The following GPR158 variants were observed in gnomAD, a reference collection of about 807,000 sequenced individuals.
The protein encoded by GPR158 is G protein-coupled receptor 158, also known as metabotropic glycine receptor.
GPR158 carries 30 observed loss-of-function variants against 78.2 expected under a neutral mutation model. The ratio of observed to expected loss-of-function variants is 0.38; its 90% CI spans 0.29 to 0.52. The LOEUF (loss-of-function observed/expected upper bound fraction) is 0.52. Ranked by LOEUF, GPR158 falls within the 20% of genes least tolerant of loss-of-function variation. GPR158 has a pLI of 0.83. For synonymous variants in GPR158, 581 were observed against 591.1 expected (o/e 0.98, Z 0.25); for missense variants, 1,463 against 1,523.5 (o/e 0.96, Z 0.66).
At chr10:25,238,006 C>T (rs1853549045) in intron 2 of GPR158, among the ~76,000 whole-genome samples, 1 of 151,812 alleles carries the variant, frequency 6.6e-6, no homozygotes, top group African/African-American at 2.4e-5. Flanking sequence ...TTCTTCTTTT[C>T]TCTCTTCTCT....
intron 2 of GPR158, among the ~76,000 whole-genome samples, chr10:25,378,921 C>G (rs1834119479): frequency 6.6e-6 from 1 of 152,052 alleles, no homozygotes; most frequent in Non-Finnish European, 1.5e-5. Flanking sequence ...CCCCGAGTAG[C>G]TGGAACGACA....
At chr10:25,428,219 A>G (rs1834850137) in intron 4 of GPR158, among the ~76,000 whole-genome samples, 1 of 152,084 alleles carries the variant, frequency 6.6e-6, no homozygotes, top group Non-Finnish European at 1.5e-5. Context: ...TATTGCTTAT[A>G]TTAAAAATCA....
intron 6 of GPR158, among the ~76,000 whole-genome samples, chr10:25,551,328 A>G (rs2130712743): frequency 6.6e-6 from 1 of 152,348 alleles, no homozygotes; most frequent in South Asian, 2.1e-4. Flanking sequence ...GGAAAGGGTT[A>G]GTTCCTAATA....
In GPR158 at chr10:25,250,884, C is replaced by T. The variant is rs1052551049; in HGVS notation, c.1008+29727C>T. ...GGGTATCCTTGTTGACTTTCTGTCT[C>T]GTTGATCTGTCTAATGTTGACAGTG... On this transcript the variant is annotated intron_variant, in intron 2 of 10. Coordinates refer to ENST00000376351, the MANE Select transcript of GPR158 (RefSeq NM_020752.3). 2.6e-5 allele frequency among the ~76,000 whole-genome samples: 4 copies of T among 151,492 alleles called. No individual in the cohort carries two copies. In the South Asian group the frequency reaches 6.3e-4, roughly 24 times the overall value.
chr10:25,298,939 C>T (rs1204921689), intron 2 of GPR158, among the ~76,000 whole-genome samples: 2 of 152,112 alleles, frequency 1.3e-5, no homozygotes, highest in East Asian at 3.9e-4. Context: ...CGTTCTTGTA[C>T]TTAATTTCTT....
At chr10:25,290,131 A>T (rs1429604824) in intron 2 of GPR158, among the ~76,000 whole-genome samples, 2 of 152,220 alleles carry the variant, frequency 1.3e-5, no homozygotes. Flanking sequence ...CATTATAGTT[A>T]AAACCCATGC....
At chr10:25,220,053 T>C (rs1272040116) in intron 1 of GPR158, among the ~76,000 whole-genome samples, 1 of 152,196 alleles carries the variant, frequency 6.6e-6, no homozygotes, top group Admixed American at 6.5e-5. Flanking sequence ...ATGAGTGATA[T>C]CATAATGAAA....
chr10:25,176,862 G>A lies in GPR158; in HGVS notation c.902+540G>A, dbSNP rs1328324838. On this transcript the variant is annotated intron_variant, in intron 1 of 10. Transcript: ENST00000376351. The surrounding 1 kb of genome is among the most constrained non-coding windows in gnomAD (Gnocchi z 6.3). ...AGTCAGAGCTTATAATTAAAACTGTGCCATCTCCTCGCAGTTCCGGCCCCT... is the reference window on the plus strand; with the variant it reads ...AGTCAGAGCTTATAATTAAAACTGTACCATCTCCTCGCAGTTCCGGCCCCT... 6.6e-6 allele frequency among the ~76,000 whole-genome samples: 1 copy of A among 152,172 alleles called. No homozygotes were observed. The highest frequency in any genetic ancestry group is 1.5e-5 in the Non-Finnish European group (1 of 68,028).
intron 5 of GPR158, among the ~76,000 whole-genome samples, chr10:25,500,491 A>G (rs547742084): frequency 4.6e-5 from 7 of 152,362 alleles, no homozygotes; most frequent in Non-Finnish European, 1.0e-4. Context: ...AATTGCTATC[A>G]CTTCTAAATC....
chr10:25,369,209 C>A (rs1444603539), intron 2 of GPR158, among the ~76,000 whole-genome samples: 23 of 150,562 alleles, frequency 1.5e-4, no homozygotes, highest in Admixed American at 7.3e-4. Flanking sequence ...ACTATGTTGA[C>A]TAGGAGTGGT....
At chr10:25,302,489 C>T (rs923392658) in intron 2 of GPR158, among the ~76,000 whole-genome samples, 1 of 152,040 alleles carries the variant, frequency 6.6e-6, no homozygotes, top group Non-Finnish European at 1.5e-5. Context: ...GTCTTCCCTG[C>T]GGATCTTTTT....
At chr10:25,186,918 A>C (rs1389963034) in intron 1 of GPR158, among the ~76,000 whole-genome samples, 1 of 150,058 alleles carries the variant, frequency 6.7e-6, no homozygotes, top group Admixed American at 6.6e-5. Flanking sequence ...GAGACACAAC[A>C]AAAAAAAGAG....
intron 7 of GPR158, among the ~76,000 whole-genome samples, chr10:25,580,381 A>C (rs1354142543): frequency 5.3e-5 from 8 of 152,216 alleles, no homozygotes; most frequent in Non-Finnish European, 7.3e-5. Flanking sequence ...CACACACACA[A>C]AAAACAGGCA....
chr10:25,532,543 G>A (rs1836438447), intron 5 of GPR158, among the ~76,000 whole-genome samples: 1 of 151,880 alleles, frequency 6.6e-6, no homozygotes, highest in African/African-American at 2.4e-5. Flanking sequence ...GTCGTTTTCT[G>A]TATCTTTCCA....
At chr10:25,443,513 C>T (rs923879639) in intron 4 of GPR158, among the ~76,000 whole-genome samples, 17 of 149,910 alleles carry the variant, frequency 1.1e-4, no homozygotes, top group African/African-American at 3.7e-4. Flanking sequence ...CAAGTTCGGA[C>T]CACTGCACTC....
chr10:25,287,498 G>A (rs1484227839), intron 2 of GPR158, among the ~76,000 whole-genome samples: 3 of 152,082 alleles, frequency 2.0e-5, no homozygotes, highest in African/African-American at 7.2e-5. Context: ...CAGCAAGTCA[G>A]GACTGTGAGG....
rs1281286742 is a variant in GPR158, at chr10:25,506,116, TGTG to T, written c.1404+39398_1404+39400del. Among the ~76,000 whole-genome samples, 3 of 152,316 alleles carry T rather than the reference TGTG, an allele frequency of 2.0e-5. No individual in the cohort carries two copies. In the East Asian group the frequency reaches 5.8e-4, roughly 29 times the overall value. ...CTAGGTTCTGGCTGTAGCACACAAG[TGTG>T]ATTTGCCTTTAAGTGCTATAATCCC... On this transcript the variant is annotated intron_variant, in intron 5 of 10. Coordinates refer to ENST00000376351, the MANE Select transcript of GPR158 (RefSeq NM_020752.3).
In GPR158 at chr10:25,175,983, C is replaced by G; in HGVS notation, c.563C>G (p.Pro188Arg). Residue 188 changes from proline (P) to arginine (R), a missense_variant, in exon 1 of 11, where the codon CCA becomes CGA. Coordinates refer to ENST00000376351, the MANE Select transcript of GPR158 (RefSeq NM_020752.3). The surrounding 1 kb of genome is among the most constrained non-coding windows in gnomAD (Gnocchi z 6.4). ...FSTDSLSAPA[P>R]QVFLQATREE... ...ACCGATTCGCTGTCCGCACCGGCCC[C>G]ACAGGTCTTCCTCCAGGCCACGCGC... 6.2e-7 allele frequency: 1 copy of G among 1,613,366 alleles called. No homozygotes were observed. The highest frequency in any genetic ancestry group is 8.5e-7 in the Non-Finnish European group (1 of 1,179,942).
intron 1 of GPR158, among the ~76,000 whole-genome samples, chr10:25,184,435 C>T (rs1352423034): frequency 6.6e-6 from 1 of 152,184 alleles, no homozygotes; most frequent in Non-Finnish European, 1.5e-5. Context: ...CCTGAGCCAG[C>T]ACACTCAGCT....
Sources: gnomAD v4.1 joint callset for allele counts (sites outside exome capture counted in the v4.1 genomes callset) on GRCh38, gnomAD v4.1.1 for gene constraint, Gnocchi (gnomAD v3.1) non-coding constraint, MANE v1.5 for transcripts, NCBI Gene and HGNC (gene_info 2026-07-23, HGNC 2026-07-21) for gene names.